Variants in SCAF8 observed in about 807,000 individuals in gnomAD.
SCAF8 encodes SR-related and CTD-associated factor 8.
A neutral mutation model predicts 140.5 loss-of-function variants in SCAF8; 23 were observed. The ratio of observed to expected loss-of-function variants is 0.16; its 90% CI spans 0.12 to 0.23. The LOEUF (loss-of-function observed/expected upper bound fraction) is 0.23. SCAF8 is among the 10% of genes least tolerant of loss of function. The pLI, the probability that SCAF8 is intolerant of heterozygous loss-of-function variation, is 1.00. For synonymous variants in SCAF8, 575 were observed against 528.9 expected (o/e 1.09, Z -1.20); for missense variants, 1,397 against 1,555.7 (o/e 0.90, Z 1.72).
chr6:154,806,684 C>T (rs970444294), intron 9 of SCAF8, among the ~76,000 whole-genome samples: 5 of 152,056 alleles, frequency 3.3e-5, no homozygotes, highest in Non-Finnish European at 2.9e-5. Context: ...TTAATGCAAA[C>T]AGTAATATAA....
rs143145134 is a variant in SCAF8, at chr6:154,795,034, G to A, written c.501G>A (p.Pro167=). Residue 167 remains proline (P), a synonymous_variant, in exon 6 of 20, where the codon CCG becomes CCA. Transcript: ENST00000367178. ...TPGTPVTPVT[P]ANVVQGLPDP... ...GAACTCCTGTGACACCTGTTACTCCGGCCAATGTGGTCCAAGGCTTACCTG... is the reference window on the plus strand; with the variant it reads ...GAACTCCTGTGACACCTGTTACTCCAGCCAATGTGGTCCAAGGCTTACCTG... 382 of 1,608,478 alleles carry A rather than the reference G, an allele frequency of 2.4e-4. 1 individual carries two copies. Among genetic ancestry groups the A allele is most frequent in the Middle Eastern group, 2.0e-3 (12 of 6,038 alleles).
intron 1 of SCAF8, among the ~76,000 whole-genome samples, chr6:154,772,748 A>G (rs1046815137): frequency 2.0e-5 from 3 of 152,016 alleles, no homozygotes; most frequent in Admixed American, 2.0e-4. Flanking sequence ...GTTAAACATT[A>G]GAGCCCTTTT....
chr6:154,746,010 T>C (rs1214416668), intron 1 of SCAF8, among the ~76,000 whole-genome samples: 2 of 152,128 alleles, frequency 1.3e-5, no homozygotes, highest in Non-Finnish European at 2.9e-5. Context: ...CTCAGCCTCC[T>C]GACTAGCTGG....
At chr6:154,814,509 C>G (rs1292615407) in intron 12 of SCAF8, among the ~76,000 whole-genome samples, 1 of 152,176 alleles carries the variant, frequency 6.6e-6, no homozygotes, top group Non-Finnish European at 1.5e-5. Flanking sequence ...AGAGTTCTGA[C>G]TAGCCAGAGT....
At chr6:154,768,454 AT>A (rs1428655556) in intron 1 of SCAF8, among the ~76,000 whole-genome samples, 1 of 152,232 alleles carries the variant, frequency 6.6e-6, no homozygotes, top group Non-Finnish European at 1.5e-5. Context: ...ATCACATGGC[AT>A]TTTAAGTGGA....
At chr6:154,794,781 GTGTGT>G (rs1562449883) in intron 5 of SCAF8, among the ~76,000 whole-genome samples, 9 of 7,544 alleles carry the variant, frequency 1.2e-3, no homozygotes, top group African/African-American at 1.8e-3. Flanking sequence ...GGTGTGGGGG[GTGTGT>G]GTGTGTGTGT....
chr6:154,805,411 G>C lies in SCAF8; in HGVS notation c.906G>C (p.Gln302His). The C allele has an allele frequency of 6.2e-7, 1 of 1,611,754 alleles. No individual in the cohort carries two copies. The highest frequency in any genetic ancestry group is 1.1e-5 in the South Asian group (1 of 90,814). ...SESVNNSIFHQIAEQLQQQNL... is the reference protein window; with the variant it reads ...SESVNNSIFHHIAEQLQQQNL... ...CTGTGAACAATTCCATTTTTCATCA[G>C]ATAGCAGAACAACTACAACAGCAAA... Residue 302 changes from glutamine (Q) to histidine (H), a missense_variant, in exon 9 of 20, where the codon CAG (glutamine) becomes CAC (histidine). Gln to His is a conservative substitution (Grantham distance 24). Transcript: ENST00000367178.
Position 154,832,133 on chromosome 6 carries a change from T to C in SCAF8, c.2554T>C (p.Ser852Pro). 6.2e-7 allele frequency: 1 copy of C among 1,614,070 alleles called. No homozygotes were observed. The highest frequency in any genetic ancestry group is 8.5e-7 in the Non-Finnish European group (1 of 1,179,972). Reference sequence around the variant, plus strand: ...CCAACCACCAAATATTCTAAATAACTCTGGAATATTGGGAATACAGCCACC... The same window carrying C: ...CCAACCACCAAATATTCTAAATAACCCTGGAATATTGGGAATACAGCCACC... The part of the protein sequence containing the change: ...AAQPPNILNN[S>P]GILGIQPPSV... The change falls in exon 20 of 20, where the codon TCT (serine) becomes CCT (proline). Residue 852 changes from serine to proline, a missense_variant. Transcript: ENST00000367178.
intron 1 of SCAF8, among the ~76,000 whole-genome samples, chr6:154,763,225 C>T (rs537775075): frequency 1.3e-5 from 2 of 151,866 alleles, no homozygotes; most frequent in African/African-American, 2.4e-5. Flanking sequence ...TATTGTCCTC[C>T]CAGTAAGAGG....
chr6:154,754,697 T>C (rs1262676502), intron 1 of SCAF8, among the ~76,000 whole-genome samples: 2 of 152,230 alleles, frequency 1.3e-5, no homozygotes, highest in African/African-American at 4.8e-5. Flanking sequence ...TGTTGGTTAG[T>C]CTCATTTCTG....
intron 18 of SCAF8, among the ~76,000 whole-genome samples, chr6:154,827,539 C>G (rs1260401250): frequency 6.6e-6 from 1 of 151,982 alleles, no homozygotes; most frequent in East Asian, 1.9e-4. Flanking sequence ...CAGTCCTGCC[C>G]CAGTCCTCCC....
At chr6:154,778,771 G>A (rs1583026512) in intron 3 of SCAF8, among the ~76,000 whole-genome samples, 1 of 117,994 alleles carries the variant, frequency 8.5e-6, no homozygotes, top group Non-Finnish European at 1.7e-5. Flanking sequence ...CTCAAAAAAT[G>A]TGTGTGTGTG....
At position 154,808,185 on chromosome 6, in the gene SCAF8, T is replaced by A; in HGVS notation, c.1097T>A (p.Ile366Lys). ...LEPEVNLDDS[I>K]DIQQQDMDID... The stretch of plus-strand genomic sequence containing the variant: ...CCTGAAGTCAATTTGGATGATTCCA[T>A]AGATATTCAGCAACAGGTAAAAGTA... Residue 366 changes from isoleucine (I) to lysine (K), a missense_variant, in exon 10 of 20, where the codon ATA becomes AAA. Physicochemically the swap from Ile to Lys is moderately radical, Grantham distance 102. Around this residue, in one of 5 missense-constraint regions of SCAF8, gnomAD observed 339 missense variants for 407.5 expected, o/e 0.83. Transcript: ENST00000367178. 6.2e-7 allele frequency: 1 copy of A among 1,613,664 alleles called. No individual in the cohort carries two copies. The highest frequency in any genetic ancestry group is 8.5e-7 in the Non-Finnish European group (1 of 1,179,720).
rs955649817 is a variant in SCAF8, at chr6:154,768,570, A to G, written c.31-5419A>G. On this transcript the variant is annotated intron_variant, in intron 1 of 19. Coordinates refer to ENST00000367178, the MANE Select transcript of SCAF8 (RefSeq NM_014892.5). ...TAATACTTCATCTTTAACATTGTTT[A>G]TGTTTCTCTCTCCTGTGAATGGCGC... 2.6e-5 allele frequency among the ~76,000 whole-genome samples: 4 copies of G among 152,176 alleles called. No individual in the cohort carries two copies. In the South Asian group the frequency reaches 8.3e-4, roughly 32 times the overall value.
rs200910754 is a variant in SCAF8, at chr6:154,823,639, GAGA to G, written c.1927-591_1927-589del. Among the ~76,000 whole-genome samples the G allele has an allele frequency of 7.1e-3, 1,077 of 152,308 alleles. 9 individuals carry two copies. The highest frequency in any genetic ancestry group is 0.025 in the African/African-American group (1,023 of 41,554). On this transcript the variant is annotated intron_variant, in intron 16 of 19. Coordinates refer to ENST00000367178, the MANE Select transcript of SCAF8 (RefSeq NM_014892.5). ...ATTATCTGAGACTGGGAAAGACTGT[GAGA>G]AGAGTTCTTTTGGGAAGGACGACTG...
chr6:154,811,957 G>T (rs943726247), intron 12 of SCAF8, among the ~76,000 whole-genome samples: 1 of 152,108 alleles, frequency 6.6e-6, no homozygotes, highest in Non-Finnish European at 1.5e-5. Context: ...ATTTGGATTG[G>T]TTCCAAATCT....
intron 3 of SCAF8, among the ~76,000 whole-genome samples, chr6:154,785,887 A>G (rs547756789): frequency 3.9e-4 from 60 of 152,314 alleles, no homozygotes; most frequent in African/African-American, 1.4e-3. Flanking sequence ...TAAAATAAGA[A>G]ATTGGAAATT....
chr6:154,747,112 T>C (rs946312019), intron 1 of SCAF8, among the ~76,000 whole-genome samples: 1 of 152,238 alleles, frequency 6.6e-6, no homozygotes, highest in Admixed American at 6.5e-5. Flanking sequence ...TATTCTCTTA[T>C]GAGTGGAATC....
intron 1 of SCAF8, among the ~76,000 whole-genome samples, chr6:154,755,128 T>A (rs1029755435): frequency 2.0e-5 from 3 of 152,268 alleles, no homozygotes; most frequent in African/African-American, 7.2e-5. Context: ...TTCTCAGTGT[T>A]AACACTTTAG....
Sources: gnomAD v4.1 joint callset for allele counts (sites outside exome capture counted in the v4.1 genomes callset) on GRCh38, gnomAD v4.1.1 for gene constraint, gnomAD v4.1.1 regional missense constraint, MANE v1.5 for transcripts, NCBI Gene and HGNC (gene_info 2026-07-23, HGNC 2026-07-21) for gene names.